FBLN7: variants seen among roughly 807,000 people sequenced by gnomAD.
The protein encoded by FBLN7 is fibulin 7, also known as fibulin-7.
FBLN7 carries 31 observed loss-of-function variants against 44.0 expected under a neutral mutation model. That is an observed-to-expected ratio of 0.70 (90% CI 0.53 to 0.95). The LOEUF (loss-of-function observed/expected upper bound fraction) is 0.95. Among genes scored for constraint, FBLN7 ranks in the 40% least tolerant of loss-of-function variants. FBLN7 has a pLI of 0.00. For synonymous variants in FBLN7, 262 were observed against 253.4 expected (o/e 1.03, Z -0.32); for missense variants, 573 against 618.5 (o/e 0.93, Z 0.78).
Position 112,185,253 on chromosome 2 carries a change from C to T in FBLN7, c.861C>T (p.Cys287=), listed in dbSNP as rs373030360. 13 of 1,613,858 alleles carry T rather than the reference C, an allele frequency of 8.1e-6. No homozygotes were observed. The highest frequency in any genetic ancestry group is 1.3e-5 in the African/African-American group (1 of 74,896). The change falls in exon 7 of 8, where the codon TGC becomes TGT. Residue 287 remains cysteine, a synonymous_variant. Coordinates refer to ENST00000331203, the MANE Select transcript of FBLN7 (RefSeq NM_153214.3). ...LQPVCPQGTT[C]INTGGSFQCV... ...CGGTGTGCCCCCAGGGGACCACATG[C>T]ATCAACACCGGTGGAAGCTTCCAGT...
chr2:112,241,445 C>A, the FBLN7 span, among the ~76,000 whole-genome samples: 1 of 152,132 alleles, frequency 6.6e-6, no homozygotes, highest in African/African-American at 2.4e-5. Flanking sequence ...AGAGACCCCC[C>A]CCTCAAGGGC....
intron 1 of FBLN7, among the ~76,000 whole-genome samples, chr2:112,151,106 A>G (rs996878943): frequency 6.6e-6 from 1 of 152,190 alleles, no homozygotes; most frequent in South Asian, 2.1e-4. Context: ...AAAGGCCCCA[A>G]GGTGGGTGTA....
At chr2:112,165,249 T>A in intron 3 of FBLN7, 78 bp downstream of exon 3, 1 of 1,506,042 alleles carries the variant, frequency 6.6e-7, no homozygotes, top group South Asian at 1.3e-5. Flanking sequence ...AAAGGGTCAT[T>A]CCTTGGAACA....
At chr2:112,235,736 C>G in the FBLN7 span, among the ~76,000 whole-genome samples, 2 of 151,954 alleles carry the variant, frequency 1.3e-5, no homozygotes, top group African/African-American at 4.8e-5. Flanking sequence ...AAACCAAAAT[C>G]AAAATACAGG....
the FBLN7 span, among the ~76,000 whole-genome samples, chr2:112,220,550 G>A: frequency 1.2e-4 from 19 of 152,136 alleles, no homozygotes; most frequent in African/African-American, 3.1e-4. Flanking sequence ...GGCTGGGCGC[G>A]GTGGCTCACA....
chr2:112,169,239 C>G (rs979815512), intron 3 of FBLN7, among the ~76,000 whole-genome samples: 10 of 152,170 alleles, frequency 6.6e-5, no homozygotes, highest in African/African-American at 2.4e-4. Context: ...CACCACTGCA[C>G]TCCAGCCTGG....
intron 4 of FBLN7, chr2:112,177,533 A>T (rs1682793032): frequency 6.6e-6 from 1 of 152,152 alleles, no homozygotes; most frequent in Non-Finnish European, 1.5e-5. Context: ...TGATGATAAA[A>T]CATATATATA....
Position 112,158,046 on chromosome 2 carries a change from C to T in FBLN7, c.76-1630C>T, listed in dbSNP as rs1409209498. 4.6e-5 allele frequency among the ~76,000 whole-genome samples: 7 copies of T among 151,964 alleles called. No homozygotes were observed. In the East Asian group the frequency reaches 9.8e-4, roughly 21 times the overall value. ...CTGAGTAGGTGGGACTACAGGCACC[C>T]GCCACCTCACCCGGATAATTTTTTG... On this transcript the variant is annotated intron_variant, in intron 1 of 7. Coordinates refer to ENST00000331203, the MANE Select transcript of FBLN7 (RefSeq NM_153214.3).
chr2:112,187,539 G>A lies in FBLN7; in HGVS notation c.*33G>A, dbSNP rs754172423. 21 of 1,602,680 alleles carry A rather than the reference G, an allele frequency of 1.3e-5. No homozygotes were observed. The highest frequency in any genetic ancestry group is 1.2e-4 in the South Asian group (11 of 90,130). ...CAGGGGCACTGGGGTGTGGAGAGCT[G>A]ACCTCATTTCTCTTCCCCGAAGGCT... On this transcript the variant is annotated 3_prime_UTR_variant, in exon 8 of 8. Transcript: ENST00000331203. This position sits in a 1 kb window ranked among gnomAD's most constrained non-coding sequence, Gnocchi z 5.1.
At chr2:112,225,418 A>G in the FBLN7 span, among the ~76,000 whole-genome samples, 1 of 152,154 alleles carries the variant, frequency 6.6e-6, no homozygotes, top group Non-Finnish European at 1.5e-5. Flanking sequence ...TTCAAGGCTA[A>G]AGTGAGCTAT....
Position 112,187,557 on chromosome 2 carries a change from C to T in FBLN7, c.*51C>T, listed in dbSNP as rs189968018. On this transcript the variant is annotated 3_prime_UTR_variant, in exon 8 of 8. Transcript: ENST00000331203. This position sits in a 1 kb window ranked among gnomAD's most constrained non-coding sequence, Gnocchi z 5.1. ...GAGAGCTGACCTCATTTCTCTTCCCCGAAGGCTCAGCTTCGGGCACCGACT... is the reference window on the plus strand; with the variant it reads ...GAGAGCTGACCTCATTTCTCTTCCCTGAAGGCTCAGCTTCGGGCACCGACT... The T allele has an allele frequency of 1.2e-4, 194 of 1,585,604 alleles. 1 individual carries two copies. In the Admixed American group the frequency reaches 1.4e-3, roughly 12 times the overall value.
chr2:112,201,527 T>C, the FBLN7 span, among the ~76,000 whole-genome samples: 1 of 152,170 alleles, frequency 6.6e-6, no homozygotes, highest in Non-Finnish European at 1.5e-5. Context: ...TCTTTTTTTT[T>C]CCTCCCCTGG....
In FBLN7 at chr2:112,144,181, G is replaced by A. The variant is rs77570297; in HGVS notation, c.75+5451G>A. Among the ~76,000 whole-genome samples the A allele has an allele frequency of 8.4e-3, 1,282 of 152,238 alleles. 9 individuals carry two copies. Among genetic ancestry groups the A allele is most frequent in the Middle Eastern group, 0.014 (4 of 294 alleles). ...TCCTAGAAATATAGCTCTCCTACGC[G>A]TGATATTAACATCGCTCTGGAACAG... On this transcript the variant is annotated intron_variant, in intron 1 of 7. Coordinates refer to ENST00000331203, the MANE Select transcript of FBLN7 (RefSeq NM_153214.3).
At chr2:112,235,964 G>T in the FBLN7 span, among the ~76,000 whole-genome samples, 2 of 147,992 alleles carry the variant, frequency 1.4e-5, no homozygotes, top group Non-Finnish European at 3.0e-5. Flanking sequence ...AAATCAAGGA[G>T]TGACCAGGCA....
intron 2 of FBLN7, among the ~76,000 whole-genome samples, chr2:112,161,477 C>G (rs750828019): frequency 6.6e-6 from 1 of 152,214 alleles, no homozygotes; most frequent in Admixed American, 6.5e-5. Context: ...CACCCCAACT[C>G]CATGGTGCAG....
chr2:112,149,749 G>T (rs1262983418), intron 1 of FBLN7, among the ~76,000 whole-genome samples: 1 of 152,130 alleles, frequency 6.6e-6, no homozygotes, highest in Non-Finnish European at 1.5e-5. Flanking sequence ...TTTTGTTAAA[G>T]AAAAAATAAG....
Position 112,160,666 on chromosome 2 carries a change from A to AGACG in FBLN7, c.235+831_235+832insGACG, listed in dbSNP as rs1440174989. On this transcript the variant is annotated intron_variant, in intron 2 of 7. Coordinates refer to ENST00000331203, the MANE Select transcript of FBLN7 (RefSeq NM_153214.3). ...CACACGCGCACGCACACGCGCACGC[A>AGACG]CACGCACACGCAGACGCACGCACAC... Among the ~76,000 whole-genome samples, 1,004 of 141,324 alleles carry AGACG rather than the reference A, an allele frequency of 7.1e-3. 349 individuals carry two copies. Among genetic ancestry groups the AGACG allele is most frequent in the Non-Finnish European group, 9.6e-3 (607 of 63,432 alleles). The allele number at this position is 141,324 out of a possible 152,430, so 92.7% of individuals were successfully genotyped here.
intron 1 of FBLN7, among the ~76,000 whole-genome samples, chr2:112,140,444 C>T (rs536975779): frequency 6.6e-6 from 1 of 152,206 alleles, no homozygotes; most frequent in African/African-American, 2.4e-5. Context: ...GAGCTCGGAG[C>T]GATGCCTGGG....
At chr2:112,203,049 C>G in the FBLN7 span, among the ~76,000 whole-genome samples, 2 of 152,002 alleles carry the variant, frequency 1.3e-5, no homozygotes, top group African/African-American at 4.8e-5. Context: ...AACAAACAAA[C>G]AAAAAAACAA....
Sources: allele counts gnomAD v4.1 joint callset (sites outside exome capture counted in the v4.1 genomes callset), GRCh38; gene constraint gnomAD v4.1.1; non-coding constraint Gnocchi (gnomAD v3.1); transcripts MANE v1.5; gene names NCBI Gene and HGNC (gene_info 2026-07-23, HGNC 2026-07-21).